Variants in IMPG2 observed in about 807,000 individuals in gnomAD.
IMPG2 encodes interphotoreceptor matrix proteoglycan 2.
IMPG2 carries 91 observed loss-of-function variants against 129.2 expected under a neutral mutation model. The ratio of observed to expected loss-of-function variants is 0.70; its 90% CI spans 0.59 to 0.84. IMPG2 has a LOEUF of 0.84. IMPG2 is among the 40% of genes least tolerant of loss of function. The pLI is 0.00. For missense variants in IMPG2, 1,430 were observed against 1,461.7 expected (o/e 0.98, Z 0.35); for synonymous variants, 510 against 517.7 (o/e 0.99, Z 0.20).
At chr3:101,247,380 CT>C (rs1279808601) in intron 11 of IMPG2, among the ~76,000 whole-genome samples, 1 of 152,104 alleles carries the variant, frequency 6.6e-6, no homozygotes, top group Non-Finnish European at 1.5e-5. Flanking sequence ...GGCAGATAAC[CT>C]GAGGTTGGGA....
chr3:101,267,863 T>C (rs1320005417), intron 8 of IMPG2, among the ~76,000 whole-genome samples: 2 of 151,738 alleles, frequency 1.3e-5, no homozygotes, highest in Admixed American at 6.6e-5. Flanking sequence ...ACCTTCTTTT[T>C]TGGGATACAA....
chr3:101,294,876 C>A (rs1707061431), intron 3 of IMPG2, among the ~76,000 whole-genome samples: 2 of 152,168 alleles, frequency 1.3e-5, no homozygotes, highest in Admixed American at 1.3e-4. Flanking sequence ...TGTTTGTTGG[C>A]TGCATAAATG....
intron 2 of IMPG2, among the ~76,000 whole-genome samples, chr3:101,306,771 A>T (rs1054646122): frequency 6.6e-6 from 1 of 152,232 alleles, no homozygotes; most frequent in Non-Finnish European, 1.5e-5. Flanking sequence ...TAGGGCTAAT[A>T]CTATGAAGTT....
chr3:101,297,902 A>G (rs1245142699), intron 3 of IMPG2, among the ~76,000 whole-genome samples: 1 of 152,264 alleles, frequency 6.6e-6, no homozygotes, highest in African/African-American at 2.4e-5. Flanking sequence ...AGTTCTGTAG[A>G]TAACTATTAG....
intron 2 of IMPG2, among the ~76,000 whole-genome samples, chr3:101,306,927 T>C (rs1432424101): frequency 6.6e-6 from 1 of 152,158 alleles, no homozygotes; most frequent in Admixed American, 6.5e-5. Flanking sequence ...TATCAAAAGA[T>C]ACTGTTAATA....
chr3:101,272,317 A>T (rs1342682181), intron 7 of IMPG2, among the ~76,000 whole-genome samples: 1 of 152,128 alleles, frequency 6.6e-6, no homozygotes, highest in Non-Finnish European at 1.5e-5. Flanking sequence ...CTGCTGTTTC[A>T]TGCAAAGTGA....
intron 3 of IMPG2, among the ~76,000 whole-genome samples, chr3:101,301,047 A>C (rs1439133664): frequency 6.6e-6 from 1 of 152,210 alleles, no homozygotes; most frequent in Non-Finnish European, 1.5e-5. Flanking sequence ...TAACTCAGGG[A>C]ATAGGGAGGC....
intron 4 of IMPG2, among the ~76,000 whole-genome samples, chr3:101,286,343 T>C (rs1167433545): frequency 6.6e-6 from 1 of 152,136 alleles, no homozygotes; most frequent in African/African-American, 2.4e-5. Context: ...TTTACAATAT[T>C]CTAAGTAACT....
chr3:101,305,227 G>A (rs952457084), intron 2 of IMPG2, among the ~76,000 whole-genome samples: 1 of 152,064 alleles, frequency 6.6e-6, no homozygotes, highest in Non-Finnish European at 1.5e-5. Flanking sequence ...CTAAGTAGAG[G>A]AAGCCAATCT....
At chr3:101,274,044 T>A (rs1328805758) in intron 6 of IMPG2, among the ~76,000 whole-genome samples, 1 of 151,894 alleles carries the variant, frequency 6.6e-6, no homozygotes, top group Non-Finnish European at 1.5e-5. Flanking sequence ...AAATACAAAA[T>A]TAGCTGGGCA....
chr3:101,290,936 C>T (rs1446341343), intron 4 of IMPG2, among the ~76,000 whole-genome samples: 1 of 152,088 alleles, frequency 6.6e-6, no homozygotes, highest in Non-Finnish European at 1.5e-5. Context: ...AGCTTTAGCC[C>T]CTGTAGGCTC....
rs181010832 is a variant in IMPG2, at chr3:101,228,474, C to T, written c.3713+323G>A. On this transcript the variant is annotated intron_variant, in intron 18 of 18. Coordinates refer to ENST00000193391, the MANE Select transcript of IMPG2 (RefSeq NM_016247.4). The stretch of plus-strand genomic sequence containing the variant: ...ATGAAAAGACTATGTGTAGTCCAGG[C>T]GTCTCTAGTCCAAAACAGACAGTAT... 5.9e-5 allele frequency among the ~76,000 whole-genome samples: 9 copies of T among 152,246 alleles called. No individual in the cohort carries two copies. In the East Asian group the frequency reaches 1.7e-3, roughly 29 times the overall value.
In IMPG2 at chr3:101,232,811, T is replaced by C. The variant is rs1251946306; in HGVS notation, c.3203A>G (p.Asp1068Gly). 1.2e-6 allele frequency: 2 copies of C among 1,613,330 alleles called. No homozygotes were observed. Among genetic ancestry groups the C allele is most frequent in the Non-Finnish European group, 1.7e-6 (2 of 1,179,896 alleles). The change falls in exon 15 of 19, where the codon GAC (aspartate) becomes GGC (glycine). Residue 1068 changes from aspartate to glycine, a missense_variant. Coordinates refer to ENST00000193391, the MANE Select transcript of IMPG2 (RefSeq NM_016247.4). ...AATGGCCCCGTGCCCAGGCATAATG[T>C]CACACTTTCCATCATTCAAGCAGAA... is the stretch of plus-strand genomic sequence containing the variant. ...PDFCLNDGKC[D>G]IMPGHGAICR...
At chr3:101,306,444 A>T (rs565112553) in intron 2 of IMPG2, among the ~76,000 whole-genome samples, 1 of 152,326 alleles carries the variant, frequency 6.6e-6, no homozygotes, top group South Asian at 2.1e-4. Context: ...GTTATTAAGA[A>T]CTTCTGACCA....
chr3:101,299,177 G>T (rs768589054), intron 3 of IMPG2, among the ~76,000 whole-genome samples: 1 of 152,000 alleles, frequency 6.6e-6, no homozygotes, highest in African/African-American at 2.4e-5. Flanking sequence ...CCACTTGGTC[G>T]ATTCAGCTAC....
chr3:101,264,788 A>G (rs1367421551), intron 9 of IMPG2, among the ~76,000 whole-genome samples: 1 of 152,068 alleles, frequency 6.6e-6, no homozygotes, highest in Non-Finnish European at 1.5e-5. Context: ...GTGATCTTAC[A>G]CGGAGAAAAA....
intron 2 of IMPG2, among the ~76,000 whole-genome samples, chr3:101,307,757 T>C (rs570402720): frequency 1.2e-3 from 183 of 152,290 alleles, no homozygotes; most frequent in African/African-American, 4.0e-3. Context: ...CCAAATCTCA[T>C]GTCCTCACAT....
At chr3:101,233,444 G>C (rs981424448) in intron 14 of IMPG2, among the ~76,000 whole-genome samples, 1 of 152,154 alleles carries the variant, frequency 6.6e-6, no homozygotes, top group African/African-American at 2.4e-5. Context: ...CATGAATGGG[G>C]AGAGAGAGCT....
rs1261292300 is a variant in IMPG2, at chr3:101,244,257, C to A, written c.2074G>T (p.Asp692Tyr). 6.2e-7 allele frequency: 1 copy of A among 1,613,884 alleles called. No individual in the cohort carries two copies. The highest frequency in any genetic ancestry group is 8.5e-7 in the Non-Finnish European group (1 of 1,180,000). The part of the protein sequence containing the change: ...LSGPAVPIFA[D>Y]TAAESASLTL... ...AGAGACGCAGATTCAGCTGCAGTATCTGCGAAGATGGGCACAGCAGGCCCA... is the reference window on the plus strand; with the variant it reads ...AGAGACGCAGATTCAGCTGCAGTATATGCGAAGATGGGCACAGCAGGCCCA... The change falls in exon 13 of 19, where the codon GAT (aspartate) becomes TAT (tyrosine). Residue 692 changes from aspartate (D) to tyrosine (Y), a missense_variant. Asp to Tyr is a radical substitution (Grantham distance 160). Transcript: ENST00000193391.
Sources: gnomAD v4.1 joint callset for allele counts (sites outside exome capture counted in the v4.1 genomes callset) on GRCh38, gnomAD v4.1.1 for gene constraint, MANE v1.5 for transcripts, NCBI Gene and HGNC (gene_info 2026-07-23, HGNC 2026-07-21) for gene names.